Variants in HAND2 observed in about 807,000 individuals in gnomAD.
HAND2 encodes the protein heart and neural crest derivatives expressed 2, also known as heart- and neural crest derivatives-expressed protein 2.
HAND2 carries 2 observed loss-of-function variants against 14.7 expected under a neutral mutation model. The ratio of observed to expected loss-of-function variants is 0.14; its 90% confidence interval spans 0.06 to 0.43. The LOEUF is 0.43. Ranked by LOEUF, HAND2 falls within the 20% of genes least tolerant of loss-of-function variation. The probability of loss-of-function intolerance (pLI) is 0.99; values close to 1 mark genes in which losing one functional copy is unlikely to be tolerated. For synonymous variants in HAND2, 162 were observed against 135.9 expected (o/e 1.19, Z -1.34); for missense variants, 275 against 313.6 (o/e 0.88, Z 0.93).
In HAND2 at chr4:173,528,965, G is replaced by T; in HGVS notation, c.325C>A (p.Arg109=). 1.2e-6 allele frequency: 2 copies of T among 1,613,482 alleles called. No individual in the cohort carries two copies. Among genetic ancestry groups the T allele is most frequent in the East Asian group, 2.2e-5 (1 of 44,792 alleles). The change falls in exon 1 of 2, where the codon CGG becomes AGG. Residue 109 remains arginine, a synonymous_variant. Transcript: ENST00000359562. This position sits in a 1 kb window ranked among gnomAD's most constrained non-coding sequence, Gnocchi z 5.6. ...KRRGTANRKE[R]RRTQSINSAF... is the part of the protein sequence containing the mutation. ...CTGTTGATGCTCTGAGTCCTGCGCC[G>T]CTCCTTGCGGTTGGCGGTGCCTCGG... is the stretch of plus-strand genomic sequence containing the variant.
rs1383210936 is a variant in HAND2, at chr4:173,528,974, G to T, written c.316C>A (p.Arg106Ser). 2.5e-6 allele frequency: 4 copies of T among 1,613,194 alleles called. No homozygotes were observed. The highest frequency in any genetic ancestry group is 2.2e-5 in the East Asian group (1 of 44,794). The change falls in exon 1 of 2, where the codon CGC becomes AGC. Residue 106 changes from arginine to serine, a missense_variant. Transcript: ENST00000359562. The surrounding 1 kb of genome is among the most constrained non-coding windows in gnomAD (Gnocchi z 5.6). ...CTCTGAGTCCTGCGCCGCTCCTTGC[G>T]GTTGGCGGTGCCTCGGCGCTTCACC... is the stretch of plus-strand genomic sequence containing the variant. ...RPVKRRGTAN[R>S]KERRRTQSIN... is the part of the protein sequence containing the mutation.
chr4:173,528,441 A>C lies in HAND2; in HGVS notation c.555+294T>G. ...ATCCAGACCAGTGCGATCGCGATCG[A>C]TCGCGACCCAGAGTTTTCAAGGTCC... On this transcript the variant is annotated intron_variant, in intron 1 of 1. Coordinates refer to ENST00000359562, the MANE Select transcript of HAND2 (RefSeq NM_021973.3). The surrounding 1 kb of genome is among the most constrained non-coding windows in gnomAD (Gnocchi z 5.6). The C allele has an allele frequency of 2.2e-6, 1 of 455,668 alleles. No homozygotes were observed. The highest frequency in any genetic ancestry group is 4.1e-6 in the Non-Finnish European group (1 of 246,810). The allele number at this position is 455,668 out of a possible 1,614,324, so 28.2% of individuals were successfully genotyped here. A position where few individuals can be genotyped will look rare whatever the true frequency, so the allele number is the denominator to read the frequency against.
Position 173,528,667 on chromosome 4 carries a change from G to T in HAND2, c.555+68C>A. 1.3e-6 allele frequency: 2 copies of T among 1,549,360 alleles called. No individual in the cohort carries two copies. The highest frequency in any genetic ancestry group is 1.7e-6 in the Non-Finnish European group (2 of 1,146,798). ...GAGATGCCATTTCTCAGCCCAATTG[G>T]AAAGAGGCCGGGAGCACCAGTTCCC... On this transcript the variant is annotated intron_variant, in intron 1 of 1. Coordinates refer to ENST00000359562, the MANE Select transcript of HAND2 (RefSeq NM_021973.3). The surrounding 1 kb of genome is among the most constrained non-coding windows in gnomAD (Gnocchi z 5.6).
rs1560884802 is a variant in HAND2, at chr4:173,528,429, C to G, written c.555+306G>C. ...ACGGGGTGAGGCATCCAGACCAGTG[C>G]GATCGCGATCGATCGCGACCCAGAG... is the stretch of plus-strand genomic sequence containing the variant. On this transcript the variant is annotated intron_variant, in intron 1 of 1. Coordinates refer to ENST00000359562, the MANE Select transcript of HAND2 (RefSeq NM_021973.3). The surrounding 1 kb of genome is among the most constrained non-coding windows in gnomAD (Gnocchi z 5.6). 2 of 429,704 alleles carry G rather than the reference C, an allele frequency of 4.7e-6. No homozygotes were observed. Among genetic ancestry groups the G allele is most frequent in the Admixed American group, 7.1e-5 (2 of 28,060 alleles). The allele number at this position is 429,704 out of a possible 1,614,324, so 26.6% of individuals were successfully genotyped here. A position where few individuals can be genotyped will look rare whatever the true frequency, so the allele number is the denominator to read the frequency against.
In HAND2 at chr4:173,527,183, C is replaced by G. The variant is rs549352518; in HGVS notation, c.*94G>C. On this transcript the variant is annotated 3_prime_UTR_variant, in exon 2 of 2. Transcript: ENST00000359562. ...TTCCAAATGCAAGGAGTCCTCAGAG[C>G]GGAGCGCGGACGGCTTTTCCGGAGT... 1 of 818,034 alleles carries G rather than the reference C, an allele frequency of 1.2e-6. No homozygotes were observed. The highest frequency in any genetic ancestry group is 1.3e-5 in the South Asian group (1 of 75,008). 50.7% of individuals were successfully genotyped at this position (818,034 alleles called of 1,614,324 possible).
In HAND2 at chr4:173,529,336, G is replaced by C. The variant is rs374999146; in HGVS notation, c.-47C>G. The C allele has an allele frequency of 7.9e-7, 1 of 1,259,598 alleles. No individual in the cohort carries two copies. The highest frequency in any genetic ancestry group is 3.2e-5 in the East Asian group (1 of 31,414). 78.0% of individuals were successfully genotyped at this position (1,259,598 alleles called of 1,614,324 possible). A position where few individuals can be genotyped will look rare whatever the true frequency, so the allele number is the denominator to read the frequency against. On this transcript the variant is annotated 5_prime_UTR_variant, in exon 1 of 2. Coordinates refer to ENST00000359562, the MANE Select transcript of HAND2 (RefSeq NM_021973.3). ...CGCGCCCCAGCGTGCGCGCAGCCCC[G>C]CCGCGCCCTCGGCCCGGGCCCCTGC...
At chr4:173,527,887 G>A (rs1175524989) in intron 1 of HAND2, 1 of 164,360 alleles carries the variant, frequency 6.1e-6, no homozygotes, top group Non-Finnish European at 1.3e-5. Flanking sequence ...GCCACCAAAG[G>A]GCTGCAGGGG....
At position 173,530,152 on chromosome 4, in the gene HAND2, T is replaced by C. The variant is rs1040691453; in HGVS notation, c.-863A>G. ...CGCGGTGGCCGAGGAAGCTCCGGGG[T>C]GACGGCGGTGGTTCTCCTGGGCTGG... is the stretch of plus-strand genomic sequence containing the variant. On this transcript the variant is annotated 5_prime_UTR_variant, in exon 1 of 2. Transcript: ENST00000359562. This position sits in a 1 kb window ranked among gnomAD's most constrained non-coding sequence, Gnocchi z 6.2. 3.3e-5 allele frequency: 5 copies of C among 151,616 alleles called. No individual in the cohort carries two copies. Among genetic ancestry groups the C allele is most frequent in the Non-Finnish European group, 5.9e-5 (4 of 67,982 alleles). The allele number at this position is 151,616 out of a possible 1,614,324, so 9.4% of individuals were successfully genotyped here.
At position 173,529,192 on chromosome 4, in the gene HAND2, C is replaced by A; in HGVS notation, c.98G>T (p.Ser33Ile). The change falls in exon 1 of 2, where the codon AGC becomes ATC. Residue 33 changes from serine to isoleucine, a missense_variant. Ser to Ile is a moderately radical substitution (Grantham distance 142). Transcript: ENST00000359562. The stretch of plus-strand genomic sequence containing the variant: ...GGGGTTCTCCTCATGGCTGCAGCGG[C>A]TGGCGGCGGCGGCGGCAGCTGCGGC... ...AAAAAAAAAA[S>I]RCSHEENPYF... 1 of 1,440,648 alleles carries A rather than the reference C, an allele frequency of 6.9e-7. No homozygotes were observed. The highest frequency in any genetic ancestry group is 9.1e-7 in the Non-Finnish European group (1 of 1,104,022). The allele number at this position is 1,440,648 out of a possible 1,614,324, so 89.2% of individuals were successfully genotyped here.
At chr4:173,527,558 G>C in intron 1 of HAND2, 183 bp from the exon 2 acceptor site, 1 of 633,454 alleles carries the variant, frequency 1.6e-6, no homozygotes, top group Non-Finnish European at 2.8e-6. Context: ...CCTAGCCGGC[G>C]GGGAGGCCTC....
chr4:173,526,814 T>G lies in HAND2; in HGVS notation c.*463A>C. On this transcript the variant is annotated 3_prime_UTR_variant, in exon 2 of 2. Transcript: ENST00000359562. ...AATGTTAGCGGCCCTGTTTTCTGCT[T>G]TGAAATAAAACTTTATAATACCCAG... 2.8e-6 allele frequency: 1 copy of G among 361,212 alleles called. No homozygotes were observed. The highest frequency in any genetic ancestry group is 7.3e-5 in the East Asian group (1 of 13,616). The allele number at this position is 361,212 out of a possible 1,614,324, so 22.4% of individuals were successfully genotyped here. A position where few individuals can be genotyped will look rare whatever the true frequency, so the allele number is the denominator to read the frequency against.
In HAND2 at chr4:173,529,256, C is replaced by A; in HGVS notation, c.34G>T (p.Val12Leu). 2.9e-6 allele frequency: 4 copies of A among 1,378,956 alleles called. No individual in the cohort carries two copies. The highest frequency in any genetic ancestry group is 3.7e-6 in the Non-Finnish European group (4 of 1,074,794). 85.4% of individuals were successfully genotyped at this position (1,378,956 alleles called of 1,614,324 possible). A position where few individuals can be genotyped will look rare whatever the true frequency, so the allele number is the denominator to read the frequency against. ...AACGGGTAGCCCTCGTGGTGCACCA[C>A]CGGGTGGTGGGGAAAACCACCTACC... ...SLVGGFPHHPVVHHEGYPFAA... is the reference protein window; with the variant it reads ...SLVGGFPHHPLVHHEGYPFAA... Residue 12 changes from valine to leucine, a missense_variant, in exon 1 of 2, where the codon GTG becomes TTG. Around this residue, in one of 4 missense-constraint regions of HAND2, gnomAD observed 175 missense variants for 157.1 expected, o/e 1.11. Coordinates refer to ENST00000359562, the MANE Select transcript of HAND2 (RefSeq NM_021973.3).
chr4:173,528,817 T>C lies in HAND2; in HGVS notation c.473A>G (p.Asp158Gly). The change falls in exon 1 of 2, where the codon GAC (aspartate) becomes GGC (glycine). Residue 158 changes from aspartate to glycine, a missense_variant. By Grantham distance (94) the Asp-to-Gly change is moderately conservative. This residue lies in a region of HAND2 where 54 missense variants were observed against 54.3 expected (regional missense o/e 0.99). Coordinates refer to ENST00000359562, the MANE Select transcript of HAND2 (RefSeq NM_021973.3). The surrounding 1 kb of genome is among the most constrained non-coding windows in gnomAD (Gnocchi z 5.6). Reference sequence around the variant, plus strand: ...GGCCTCCGCCTCGCCATTCTGGTCGTCCTTGGCCAGCAGGTCCATGAGGTA... The same window carrying C: ...GGCCTCCGCCTCGCCATTCTGGTCGCCCTTGGCCAGCAGGTCCATGAGGTA... ...IAYLMDLLAKDDQNGEAEAFK... is the reference protein window; with the variant it reads ...IAYLMDLLAKGDQNGEAEAFK... 1 of 1,614,200 alleles carries C rather than the reference T, an allele frequency of 6.2e-7. No individual in the cohort carries two copies. The highest frequency in any genetic ancestry group is 8.5e-7 in the Non-Finnish European group (1 of 1,180,014).
chr4:173,526,343 G>C lies in HAND2; in HGVS notation c.*934C>G, dbSNP rs1579035796. Reference sequence around the variant, plus strand: ...GACTACTCAGCGTTCTCCAGCTGGGGGAAGAGGGAAGGAGACACCACACCG... The same window carrying C: ...GACTACTCAGCGTTCTCCAGCTGGGCGAAGAGGGAAGGAGACACCACACCG... On this transcript the variant is annotated 3_prime_UTR_variant, in exon 2 of 2. Transcript: ENST00000359562. The C allele has an allele frequency of 2.0e-5, 3 of 152,786 alleles. No individual in the cohort carries two copies. In the East Asian group the frequency reaches 5.8e-4, roughly 29 times the overall value. The allele number at this position is 152,786 out of a possible 1,614,324, so 9.5% of individuals were successfully genotyped here.
chr4:173,529,370 T>A lies in HAND2; in HGVS notation c.-81A>T. 1 of 1,063,444 alleles carries A rather than the reference T, an allele frequency of 9.4e-7. No homozygotes were observed. Among genetic ancestry groups the A allele is most frequent in the Non-Finnish European group, 1.2e-6 (1 of 848,160 alleles). The allele number at this position is 1,063,444 out of a possible 1,614,324, so 65.9% of individuals were successfully genotyped here. On this transcript the variant is annotated 5_prime_UTR_variant, in exon 1 of 2. Coordinates refer to ENST00000359562, the MANE Select transcript of HAND2 (RefSeq NM_021973.3). ...TCGGCCCGGGCCCCTGCCTCAGCGC[T>A]CGGCGTCCTCCCCCACCCCCCACCC... is the stretch of plus-strand genomic sequence containing the variant.
chr4:173,529,167 G>A lies in HAND2; in HGVS notation c.123C>T (p.Pro41=). 1 of 1,473,752 alleles carries A rather than the reference G, an allele frequency of 6.8e-7. No individual in the cohort carries two copies. Among genetic ancestry groups the A allele is most frequent in the Non-Finnish European group, 8.9e-7 (1 of 1,122,840 alleles). The allele number at this position is 1,473,752 out of a possible 1,614,324, so 91.3% of individuals were successfully genotyped here. ...AASRCSHEEN[P]YFHGWLIGHP... is the part of the protein sequence containing the mutation. ...GGCCGATGAGCCAGCCATGGAAGTAGGGGTTCTCCTCATGGCTGCAGCGGC... is the reference window on the plus strand; with the variant it reads ...GGCCGATGAGCCAGCCATGGAAGTAAGGGTTCTCCTCATGGCTGCAGCGGC... Residue 41 remains proline, a synonymous_variant, in exon 1 of 2, where the codon CCC becomes CCT. Coordinates refer to ENST00000359562, the MANE Select transcript of HAND2 (RefSeq NM_021973.3).
Position 173,526,612 on chromosome 4 carries a change from GT to G in HAND2, c.*664del, listed in dbSNP as rs1731458070. On this transcript the variant is annotated 3_prime_UTR_variant, in exon 2 of 2. Coordinates refer to ENST00000359562, the MANE Select transcript of HAND2 (RefSeq NM_021973.3). Reference sequence around the variant, plus strand: ...CAGCCATTAAAAGATTAAGGTTTTTGTAAAAAAAAAACACAGTGGTTTATTG... The same window carrying G: ...CAGCCATTAAAAGATTAAGGTTTTTGAAAAAAAAAACACAGTGGTTTATTG... 6.6e-6 allele frequency: 1 copy of G among 152,276 alleles called. No individual in the cohort carries two copies. The highest frequency in any genetic ancestry group is 1.4e-5 in the Non-Finnish European group (1 of 70,062). The allele number at this position is 152,276 out of a possible 1,614,324, so 9.4% of individuals were successfully genotyped here. A position where few individuals can be genotyped will look rare whatever the true frequency, so the allele number is the denominator to read the frequency against.
Position 173,527,003 on chromosome 4 carries a change from G to T in HAND2, c.*274C>A. 3 of 623,894 alleles carry T rather than the reference G, an allele frequency of 4.8e-6. No individual in the cohort carries two copies. The highest frequency in any genetic ancestry group is 9.0e-6 in the Non-Finnish European group (3 of 334,672). 38.6% of individuals were successfully genotyped at this position (623,894 alleles called of 1,614,324 possible). A position where few individuals can be genotyped will look rare whatever the true frequency, so the allele number is the denominator to read the frequency against. Reference sequence around the variant, plus strand: ...GCACACAGAATCTATGAGACGACGGGATCCCTTACCACACGGGAGTGTCCT... The same window carrying T: ...GCACACAGAATCTATGAGACGACGGTATCCCTTACCACACGGGAGTGTCCT... On this transcript the variant is annotated 3_prime_UTR_variant, in exon 2 of 2. Coordinates refer to ENST00000359562, the MANE Select transcript of HAND2 (RefSeq NM_021973.3).
Position 173,528,390 on chromosome 4 carries a change from A to C in HAND2, c.555+345T>G, listed in dbSNP as rs114803285. The C allele has an allele frequency of 2.2e-3, 590 of 266,046 alleles. 2 individuals are homozygous for C. The highest frequency in any genetic ancestry group is 0.012 in the African/African-American group (544 of 45,562). 16.5% of individuals were successfully genotyped at this position (266,046 alleles called of 1,614,324 possible). On this transcript the variant is annotated intron_variant, in intron 1 of 1. Transcript: ENST00000359562. The surrounding 1 kb of genome is among the most constrained non-coding windows in gnomAD (Gnocchi z 5.6). ...CAAGATTGGATTGGAGGCCAAAAGA[A>C]GGGTCTAACAGAGACGGGGTGAGGC...
Sources: allele counts gnomAD v4.1 joint callset, GRCh38; gene constraint gnomAD v4.1.1; regional missense constraint gnomAD v4.1.1; non-coding constraint Gnocchi (gnomAD v3.1); transcripts MANE v1.5; gene names NCBI Gene and HGNC (gene_info 2026-07-23, HGNC 2026-07-21).